Variants in ZC3H12B observed in about 807,000 individuals in gnomAD.
ZC3H12B encodes the protein zinc finger CCCH-type containing 12B.
In ZC3H12B, 7 loss-of-function variants were observed where a neutral mutation model predicts 43.9. The ratio of observed to expected loss-of-function variants is 0.16; its 90% CI spans 0.09 to 0.30. The LOEUF (loss-of-function observed/expected upper bound fraction) is 0.30, where lower values mean the gene tolerates loss of function less well. Ranked by LOEUF, ZC3H12B falls within the 10% of genes least tolerant of loss-of-function variation. The pLI is 1.00. For synonymous variants in ZC3H12B, 222 were observed against 241.7 expected (o/e 0.92, Z 0.76); for missense variants, 475 against 670.2 (o/e 0.71, Z 3.22).
At chrX:65,192,014 T>A in the ZC3H12B span, among the ~76,000 whole-genome samples, 1 of 109,768 alleles carries the variant, frequency 9.1e-6, no homozygotes. Context: ...TTGTTCTCGT[T>A]GGTTTCAAAG....
At chrX:65,259,112 C>T in the ZC3H12B span, among the ~76,000 whole-genome samples, 47 of 111,954 alleles carry the variant, frequency 4.2e-4, no homozygotes, top group African/African-American at 1.4e-3. Context: ...TCAAGGCAAT[C>T]CTAAGCAGAA....
At chrX:65,065,403 C>T in the ZC3H12B span, among the ~76,000 whole-genome samples, 1 of 111,623 alleles carries the variant, frequency 9.0e-6, no homozygotes, top group Non-Finnish European at 1.9e-5. Context: ...GCTTATGAAG[C>T]TTTGTTTGGC....
intron 3 of ZC3H12B, among the ~76,000 whole-genome samples, chrX:65,466,342 T>A (rs1405288312): frequency 9.0e-6 from 1 of 110,933 alleles, no homozygotes; most frequent in Non-Finnish European, 1.9e-5. Flanking sequence ...TTTTTTCTTT[T>A]ATAGGACTAA....
At chrX:65,334,146 G>T in the ZC3H12B span, among the ~76,000 whole-genome samples, 2 of 111,907 alleles carry the variant, frequency 1.8e-5, no homozygotes, top group African/African-American at 6.5e-5. Context: ...CTGTAGTTAA[G>T]ATTCTTATAA....
chrX:65,156,252 G>C, the ZC3H12B span, among the ~76,000 whole-genome samples: 2 of 111,077 alleles, frequency 1.8e-5, no homozygotes, highest in East Asian at 5.7e-4. Flanking sequence ...AGTGGCTGAA[G>C]TGCAGTAGTG....
At chrX:65,232,007 G>C in the ZC3H12B span, among the ~76,000 whole-genome samples, 1 of 109,893 alleles carries the variant, frequency 9.1e-6, no homozygotes, top group African/African-American at 3.3e-5. Context: ...AGGCTGAGGC[G>C]GGCAGAACAC....
the ZC3H12B span, among the ~76,000 whole-genome samples, chrX:65,326,167 G>A: frequency 2.7e-5 from 3 of 111,518 alleles, no homozygotes; most frequent in African/African-American, 9.7e-5. Context: ...AGACATATGG[G>A]ATTACATTGA....
intron 3 of ZC3H12B, among the ~76,000 whole-genome samples, chrX:65,415,346 G>T (rs968135516): frequency 3.3e-4 from 37 of 112,682 alleles, no homozygotes; most frequent in African/African-American, 1.2e-3. Flanking sequence ...AAGGAATGGA[G>T]ATTCTCTACA....
the ZC3H12B span, among the ~76,000 whole-genome samples, chrX:65,192,200 T>A: frequency 9.1e-6 from 1 of 110,302 alleles, no homozygotes; most frequent in Non-Finnish European, 1.9e-5. Context: ...TTACATTTGC[T>A]GAGGAGAGCT....
At chrX:65,392,517 C>T (rs373418110) in intron 2 of ZC3H12B, among the ~76,000 whole-genome samples, 11 of 111,610 alleles carry the variant, frequency 9.9e-5, no homozygotes, top group East Asian at 2.9e-4. Context: ...AGGTGAGGGG[C>T]GCCCCCGCCC....
the ZC3H12B span, among the ~76,000 whole-genome samples, chrX:65,220,527 C>A: frequency 9.0e-6 from 1 of 111,601 alleles, no homozygotes; most frequent in South Asian, 3.8e-4. Context: ...CAAATGGACA[C>A]CAAAAGGGAG....
At chrX:65,108,102 A>T in the ZC3H12B span, among the ~76,000 whole-genome samples, 6 of 111,340 alleles carry the variant, frequency 5.4e-5, no homozygotes, top group Non-Finnish European at 1.1e-4. Flanking sequence ...GAGCTTGCAG[A>T]ACTGGAAGTT....
At chrX:65,306,378 T>C in the ZC3H12B span, among the ~76,000 whole-genome samples, 1 of 111,520 alleles carries the variant, frequency 9.0e-6, no homozygotes, top group African/African-American at 3.3e-5. Context: ...ATTTATGTAT[T>C]ATTTTTTTCT....
the ZC3H12B span, among the ~76,000 whole-genome samples, chrX:65,127,499 G>A: frequency 9.0e-6 from 1 of 111,101 alleles, no homozygotes; most frequent in Admixed American, 9.5e-5. Flanking sequence ...GGAGGTGGCA[G>A]TCCTATAGGG....
At chrX:65,453,381 T>A (rs1168144441) in intron 3 of ZC3H12B, among the ~76,000 whole-genome samples, 1 of 84,227 alleles carries the variant, frequency 1.2e-5, no homozygotes, top group African/African-American at 4.2e-5. Flanking sequence ...TATATATATA[T>A]ATATATATAT....
the ZC3H12B span, among the ~76,000 whole-genome samples, chrX:65,325,923 C>T: frequency 9.0e-6 from 1 of 111,496 alleles, no homozygotes; most frequent in South Asian, 3.7e-4. Context: ...TATTGACTTT[C>T]AACAAAGGTT....
chrX:65,345,775 C>G, the ZC3H12B span, among the ~76,000 whole-genome samples: 1 of 112,052 alleles, frequency 8.9e-6, no homozygotes, highest in Non-Finnish European at 1.9e-5. Context: ...TTCCATAAAA[C>G]TTCATGATAC....
At chrX:65,414,186 ATGT>A (rs976507584) in intron 3 of ZC3H12B, among the ~76,000 whole-genome samples, 1 of 111,487 alleles carries the variant, frequency 9.0e-6, no homozygotes, top group African/African-American at 3.3e-5. Flanking sequence ...TTTTCTTATG[ATGT>A]TGTCAGCAGG....
chrX:65,111,791 T>C, the ZC3H12B span, among the ~76,000 whole-genome samples: 3 of 110,700 alleles, frequency 2.7e-5, no homozygotes, highest in Non-Finnish European at 5.7e-5. Context: ...AATCAATAAA[T>C]GTGTGTGTTC....
Sources: gnomAD v4.1 joint callset for allele counts (sites outside exome capture counted in the v4.1 genomes callset) on GRCh38, gnomAD v4.1.1 for gene constraint, MANE v1.5 for transcripts, NCBI Gene and HGNC (gene_info 2026-07-23, HGNC 2026-07-21) for gene names.